The following TPD52 variants were observed in gnomAD, a reference collection of about 807,000 sequenced individuals.
The protein encoded by TPD52 is prostate and colon associated protein.
A neutral mutation model predicts 31.3 loss-of-function variants in TPD52; 17 were observed. That is an observed-to-expected ratio of 0.54 (90% CI 0.37 to 0.82). The LOEUF is 0.82. TPD52 is among the 40% of genes least tolerant of loss of function. The pLI, the probability that TPD52 is intolerant of heterozygous loss-of-function variation, is 0.00. For synonymous variants in TPD52, 83 were observed against 89.6 expected (o/e 0.93, Z 0.42); for missense variants, 212 against 240.1 (o/e 0.88, Z 0.77).
At chr8:80,070,445 G>C (rs1227216790) in intron 1 of TPD52, among the ~76,000 whole-genome samples, 1 of 152,088 alleles carries the variant, frequency 6.6e-6, no homozygotes, top group Non-Finnish European at 1.5e-5. Context: ...GGCGGTTGGG[G>C]GTTGATGATT....
intron 1 of TPD52, among the ~76,000 whole-genome samples, chr8:80,147,381 G>C (rs1226689229): frequency 6.6e-6 from 1 of 152,032 alleles, no homozygotes; most frequent in Admixed American, 6.5e-5. Flanking sequence ...ATCACAAAAA[G>C]CACAAAAAAC....
rs970245175 is a variant in TPD52 at position 80,121,803 on chromosome 8, A to T, written c.19+49622T>A. Among the ~76,000 whole-genome samples the T allele has an allele frequency of 3.3e-4, 50 of 152,264 alleles. 1 individual carries two copies. Among genetic ancestry groups the T allele is most frequent in the African/African-American group, 1.2e-3 (49 of 41,556 alleles). ...TCATCCACAGGTAGCCTGGTTTATA[A>T]ACCAGGGCTCCAGTCTGGCTTTATC... On this transcript the variant is annotated intron_variant, in intron 1 of 7. Transcript: ENST00000518937.
At chr8:80,075,702 G>C (rs138251158) in intron 1 of TPD52, among the ~76,000 whole-genome samples, 2 of 152,128 alleles carry the variant, frequency 1.3e-5, no homozygotes, top group Non-Finnish European at 2.9e-5. Context: ...CCAGAAAAGA[G>C]TGACAAAGGT....
intron 1 of TPD52, 90 bp downstream of exon 1, chr8:80,171,335 C>G (rs746351186): frequency 1.3e-6 from 2 of 1,540,088 alleles, no homozygotes; most frequent in Non-Finnish European, 1.8e-6. Flanking sequence ...CTCGAGCCGC[C>G]GGGCCGCGCT....
intron 1 of TPD52, among the ~76,000 whole-genome samples, chr8:80,146,205 A>T (rs567204921): frequency 6.6e-6 from 1 of 152,348 alleles, no homozygotes; most frequent in Admixed American, 6.5e-5. Context: ...CCAGATTGGA[A>T]AAGTCTAGCA....
At chr8:80,108,321 A>G (rs192363728) in intron 1 of TPD52, among the ~76,000 whole-genome samples, 5 of 152,346 alleles carry the variant, frequency 3.3e-5, no homozygotes, top group Admixed American at 1.3e-4. Context: ...AAATGGAATA[A>G]AAGTTTAAAA....
intron 1 of TPD52, among the ~76,000 whole-genome samples, chr8:80,105,696 C>G (rs1807054365): frequency 6.6e-6 from 1 of 151,230 alleles, no homozygotes; most frequent in Non-Finnish European, 1.5e-5. Flanking sequence ...CTCAACCTCC[C>G]AAAATGCTAG....
intron 1 of TPD52, among the ~76,000 whole-genome samples, chr8:80,157,969 C>G (rs1811086374): frequency 6.6e-6 from 1 of 152,152 alleles, no homozygotes; most frequent in Admixed American, 6.5e-5. Context: ...TCTCCCATGC[C>G]TCTAGTTTCT....
intron 1 of TPD52, among the ~76,000 whole-genome samples, chr8:80,146,525 G>C (rs753326157): frequency 5.9e-5 from 9 of 152,294 alleles, no homozygotes; most frequent in Non-Finnish European, 8.8e-5. Context: ...AATGTGGTGA[G>C]CATCATAGAG....
intron 1 of TPD52, among the ~76,000 whole-genome samples, chr8:80,123,700 G>C (rs780981794): frequency 6.6e-6 from 1 of 152,216 alleles, no homozygotes; most frequent in Non-Finnish European, 1.5e-5. Context: ...CATGAGCACA[G>C]AATTGTAGCT....
chr8:80,105,887 A>T (rs1420567853), intron 1 of TPD52, among the ~76,000 whole-genome samples: 1 of 152,070 alleles, frequency 6.6e-6, no homozygotes, highest in East Asian at 1.9e-4. Flanking sequence ...GCTCACCACC[A>T]CGCCCAGCTA....
intron 1 of TPD52, among the ~76,000 whole-genome samples, chr8:80,078,027 T>G (rs1216988686): frequency 6.6e-6 from 1 of 152,210 alleles, no homozygotes; most frequent in Non-Finnish European, 1.5e-5. Flanking sequence ...CTTCAGTTAT[T>G]GATAGATTCT....
At chr8:80,074,379 CTTG>C (rs1159844791) in intron 1 of TPD52, among the ~76,000 whole-genome samples, 1 of 152,194 alleles carries the variant, frequency 6.6e-6, no homozygotes, top group African/African-American at 2.4e-5. Flanking sequence ...TTCTCTGTGC[CTTG>C]TTGTTTCTGG....
At chr8:80,165,756 G>C (rs10755965) in intron 1 of TPD52, among the ~76,000 whole-genome samples, 47,565 of 152,030 alleles carry the variant, frequency 0.31, 8,211 homozygotes, top group East Asian at 0.68. Flanking sequence ...CCACTTCCTT[G>C]AGTCTTCATT....
chr8:80,102,950 G>A (rs959075479), intron 1 of TPD52, among the ~76,000 whole-genome samples: 1 of 152,162 alleles, frequency 6.6e-6, no homozygotes, highest in African/African-American at 2.4e-5. Flanking sequence ...CTTCCAGATG[G>A]CTGAACCCAT....
intron 1 of TPD52, among the ~76,000 whole-genome samples, chr8:80,163,974 T>C (rs1366641484): frequency 6.7e-6 from 1 of 150,110 alleles, no homozygotes; most frequent in Non-Finnish European, 1.5e-5. Flanking sequence ...TGAACATATA[T>C]TGGGGTATTG....
chr8:80,112,678 A>G (rs1306500623), intron 1 of TPD52, among the ~76,000 whole-genome samples: 1 of 152,204 alleles, frequency 6.6e-6, no homozygotes, highest in Non-Finnish European at 1.5e-5. Flanking sequence ...TTCACTTCCA[A>G]CACTGAAGCG....
intron 1 of TPD52, among the ~76,000 whole-genome samples, chr8:80,086,385 G>A (rs2130859078): frequency 6.6e-6 from 1 of 151,724 alleles, no homozygotes. Context: ...CCAAGGTGCT[G>A]GGATTACAGG....
chr8:80,132,573 T>C (rs72686038), intron 1 of TPD52, among the ~76,000 whole-genome samples: 10,001 of 152,186 alleles, frequency 0.066, 392 homozygotes, highest in Admixed American at 0.094. Context: ...ATTCAGTATA[T>C]AGTAAATGTT....
Sources: gnomAD v4.1 joint callset for allele counts (sites outside exome capture counted in the v4.1 genomes callset) on GRCh38, gnomAD v4.1.1 for gene constraint, MANE v1.5 for transcripts, NCBI Gene and HGNC (gene_info 2026-07-23, HGNC 2026-07-21) for gene names.